RALGPS2: variants seen among roughly 807,000 people sequenced by gnomAD.
RALGPS2 encodes Ral GEF with PH domain and SH3 binding motif 2.
Under a neutral mutation model 86.8 loss-of-function variants are expected in RALGPS2, and 43 were observed. That is an observed-to-expected ratio of 0.50 (90% CI 0.39 to 0.64). The LOEUF (loss-of-function observed/expected upper bound fraction) is 0.64, where lower values mean the gene tolerates loss of function less well. RALGPS2 is among the 30% of genes least tolerant of loss of function. The pLI is 0.00. For missense variants in RALGPS2, 536 were observed against 694.6 expected (o/e 0.77, Z 2.57); for synonymous variants, 243 against 231.3 (o/e 1.05, Z -0.46).
intron 8 of RALGPS2, among the ~76,000 whole-genome samples, chr1:178,860,355 T>C (rs1214516481): frequency 6.6e-6 from 1 of 152,180 alleles, no homozygotes; most frequent in African/African-American, 2.4e-5. Context: ...AAATACTATT[T>C]TTTATAACTT....
At chr1:178,732,360 G>C (rs578203716) in intron 1 of RALGPS2, among the ~76,000 whole-genome samples, 1 of 151,952 alleles carries the variant, frequency 6.6e-6, no homozygotes, top group Non-Finnish European at 1.5e-5. Context: ...GTGCAGTGGC[G>C]CGATCTCGGC....
chr1:178,865,124 A>G, intron 8 of RALGPS2: 2 of 1,587,274 alleles, frequency 1.3e-6, no homozygotes, highest in Non-Finnish European at 1.7e-6. Context: ...TTGTGGCACC[A>G]CCTGGACAAG....
chr1:178,909,432 C>T (rs1200750241), intron 19 of RALGPS2, among the ~76,000 whole-genome samples: 1 of 151,728 alleles, frequency 6.6e-6, no homozygotes, highest in Admixed American at 6.6e-5. Context: ...TTGTTGTTCC[C>T]ATATGAATTT....
intron 7 of RALGPS2, 117 bp downstream of exon 7, chr1:178,821,821 A>T (rs1655521945): frequency 1.2e-6 from 1 of 853,638 alleles, no homozygotes; most frequent in Non-Finnish European, 1.8e-6. Flanking sequence ...AAGGATTTTT[A>T]AATTGCTTTG....
At chr1:178,786,123 G>A (rs993965425) in intron 4 of RALGPS2, among the ~76,000 whole-genome samples, 1 of 152,116 alleles carries the variant, frequency 6.6e-6, no homozygotes, top group African/African-American at 2.4e-5. Context: ...CGAGTAGACT[G>A]AGGAAGAAGG....
In RALGPS2 at chr1:178,843,908, A is replaced by G. The variant is rs1656737579; in HGVS notation, c.607+10358A>G. Among the ~76,000 whole-genome samples, 6 of 152,230 alleles carry G rather than the reference A, an allele frequency of 3.9e-5. No homozygotes were observed. The South Asian group carries it at 1.2e-3, about 32-fold the overall frequency. On this transcript the variant is annotated intron_variant, in intron 8 of 19. Transcript: ENST00000367635. ...TTATGACTCAGTTTAGTTCGTTTCC[A>G]GTATGAAAATCATCCTTTTAATGTA...
intron 1 of RALGPS2, among the ~76,000 whole-genome samples, chr1:178,773,660 G>T (rs1652918563): frequency 6.6e-6 from 1 of 151,978 alleles, no homozygotes; most frequent in Admixed American, 6.6e-5. Flanking sequence ...GCCGGGCGTG[G>T]TGGCGGGCGC....
Position 178,832,691 on chromosome 1 carries a change from TA to T in RALGPS2, c.481-722del, listed in dbSNP as rs576360396. Reference sequence around the variant, plus strand: ...ATGAAATAGAAACTTCATGTCTAAATAAAAAAAAAAATTTTCCAGTCTTTGG... The same window carrying T: ...ATGAAATAGAAACTTCATGTCTAAATAAAAAAAAAATTTTCCAGTCTTTGG... On this transcript the variant is annotated intron_variant, in intron 7 of 19. Transcript: ENST00000367635. Among the ~76,000 whole-genome samples the T allele has an allele frequency of 3.1e-3, 442 of 144,904 alleles. 3 individuals carry two copies. Among genetic ancestry groups the T allele is most frequent in the Non-Finnish European group, 5.1e-3 (335 of 65,746 alleles).
At chr1:178,873,954 C>A (rs997860603) in intron 8 of RALGPS2, among the ~76,000 whole-genome samples, 1 of 152,078 alleles carries the variant, frequency 6.6e-6, no homozygotes, top group Non-Finnish European at 1.5e-5. Context: ...GATCTCGGCT[C>A]ACTACAAGCT....
chr1:178,896,467 C>CT (rs754576893), intron 16 of RALGPS2, among the ~76,000 whole-genome samples: 213 of 136,868 alleles, frequency 1.6e-3, no homozygotes, highest in Middle Eastern at 0.011. Flanking sequence ...TTTTTTTTTT[C>CT]TTTTTTTTTT....
At chr1:178,764,490 A>G (rs1029603313) in intron 1 of RALGPS2, among the ~76,000 whole-genome samples, 1 of 152,070 alleles carries the variant, frequency 6.6e-6, no homozygotes, top group South Asian at 2.1e-4. Context: ...CGATGTGTGG[A>G]TTATTTCCTT....
Position 178,885,137 on chromosome 1 carries a change from G to A in RALGPS2, c.966G>A (p.Leu322=). ...GRKSVAAEGA[L]LPQTPPSPRN... is the part of the protein sequence containing the mutation. ...AAAGTGTGGCAGCTGAAGGAGCCTTGCTCCCACAGACACCGCCATCCCCTC... is the reference window on the plus strand; with the variant it reads ...AAAGTGTGGCAGCTGAAGGAGCCTTACTCCCACAGACACCGCCATCCCCTC... Residue 322 remains leucine, a synonymous_variant, in exon 12 of 20, where the codon TTG becomes TTA. Coordinates refer to ENST00000367635, the MANE Select transcript of RALGPS2 (RefSeq NM_152663.5). 6.2e-7 allele frequency: 1 copy of A among 1,613,426 alleles called. No individual in the cohort carries two copies. The highest frequency in any genetic ancestry group is 1.7e-4 in the Middle Eastern group (1 of 6,056).
chr1:178,761,468 A>T (rs1443429689), intron 1 of RALGPS2, among the ~76,000 whole-genome samples: 2 of 150,452 alleles, frequency 1.3e-5, no homozygotes, highest in Non-Finnish European at 3.0e-5. Flanking sequence ...TTTTTGCGTG[A>T]CTGGGTTTGT....
chr1:178,756,686 G>A (rs1164288055), intron 1 of RALGPS2, among the ~76,000 whole-genome samples: 1 of 151,972 alleles, frequency 6.6e-6, no homozygotes. Flanking sequence ...TTTTTTTCTG[G>A]TTCTGTGAAA....
chr1:178,911,174 A>G (rs867755024), intron 19 of RALGPS2, among the ~76,000 whole-genome samples: 36 of 152,030 alleles, frequency 2.4e-4, no homozygotes, highest in African/African-American at 8.5e-4. Flanking sequence ...CTACCAGTCT[A>G]TCGATCTTGT....
intron 1 of RALGPS2, among the ~76,000 whole-genome samples, chr1:178,743,030 A>G (rs1174812446): frequency 1.3e-5 from 2 of 152,208 alleles, no homozygotes; most frequent in African/African-American, 2.4e-5. Flanking sequence ...AGCTTGGGCA[A>G]CATAGCAAAA....
intron 4 of RALGPS2, among the ~76,000 whole-genome samples, chr1:178,806,687 CT>C (rs1654764841): frequency 6.6e-6 from 1 of 152,012 alleles, no homozygotes; most frequent in Non-Finnish European, 1.5e-5. Context: ...GGTACAATGT[CT>C]TTTTCTCATG....
Position 178,917,598 on chromosome 1 carries a change from T to C in RALGPS2, c.*1239T>C, listed in dbSNP as rs1249734254. 2 of 152,190 alleles carry C rather than the reference T, an allele frequency of 1.3e-5. No individual in the cohort carries two copies. Among genetic ancestry groups the C allele is most frequent in the Non-Finnish European group, 2.9e-5 (2 of 68,006 alleles). 9.4% of individuals were successfully genotyped at this position (152,190 alleles called of 1,614,324 possible). On this transcript the variant is annotated 3_prime_UTR_variant, in exon 20 of 20. Transcript: ENST00000367635. ...CCATAAACATACCAAAACATTTTTC[T>C]GAAAATTTACTGTCGGTCTCTGACA...
At chr1:178,867,002 T>C (rs1269945751) in intron 8 of RALGPS2, among the ~76,000 whole-genome samples, 1 of 152,048 alleles carries the variant, frequency 6.6e-6, no homozygotes, top group Non-Finnish European at 1.5e-5. Context: ...ACAGGCCACC[T>C]TTTCACTCTT....
Sources: gnomAD v4.1 joint callset for allele counts (sites outside exome capture counted in the v4.1 genomes callset) on GRCh38, gnomAD v4.1.1 for gene constraint, MANE v1.5 for transcripts, NCBI Gene and HGNC (gene_info 2026-07-23, HGNC 2026-07-21) for gene names.